The following GRM7 variants were observed in gnomAD, a reference collection of about 807,000 sequenced individuals.
GRM7 encodes the protein metabotropic glutamate receptor 7.
In GRM7, 35 loss-of-function variants were observed where a neutral mutation model predicts 84.5. The observed-to-expected ratio is 0.41, with a 90% CI of 0.32 to 0.55. The LOEUF is 0.55. GRM7 is among the 20% of genes least tolerant of loss of function. The pLI, the probability that GRM7 is intolerant of heterozygous loss-of-function variation, is 0.19. For missense variants in GRM7, 1,003 were observed against 1,194.6 expected (o/e 0.84, Z 2.36); for synonymous variants, 487 against 455.1 (o/e 1.07, Z -0.89).
At chr3:7,471,457 G>A (rs533351426) in intron 7 of GRM7, among the ~76,000 whole-genome samples, 39 of 152,258 alleles carry the variant, frequency 2.6e-4, no homozygotes, top group Middle Eastern at 6.8e-3. Context: ...AGTGGTGGGT[G>A]GATCCCAGCT....
intron 2 of GRM7, among the ~76,000 whole-genome samples, chr3:7,272,015 G>A (rs1260173003): frequency 6.6e-6 from 1 of 152,126 alleles, no homozygotes; most frequent in Non-Finnish European, 1.5e-5. Flanking sequence ...CCTATCAGGA[G>A]GCTTCAAATC....
At chr3:7,383,011 G>A (rs1011598159) in intron 4 of GRM7, among the ~76,000 whole-genome samples, 2 of 152,158 alleles carry the variant, frequency 1.3e-5, no homozygotes, top group Non-Finnish European at 2.9e-5. Context: ...TGGGCCATGT[G>A]TTTGTATTGA....
At chr3:7,230,934 A>G (rs1697174089) in intron 2 of GRM7, among the ~76,000 whole-genome samples, 1 of 152,166 alleles carries the variant, frequency 6.6e-6, no homozygotes. Context: ...TACCATCTCA[A>G]TTGGACCACC....
intron 9 of GRM7, among the ~76,000 whole-genome samples, chr3:7,695,558 T>G (rs1187045776): frequency 1.3e-5 from 2 of 152,208 alleles, no homozygotes; most frequent in Admixed American, 1.3e-4. Context: ...TTGCTGTTAA[T>G]AAATCAGCCA....
chr3:6,988,821 G>A (rs955730199), intron 1 of GRM7, among the ~76,000 whole-genome samples: 4 of 151,942 alleles, frequency 2.6e-5, no homozygotes, highest in Admixed American at 6.6e-5. Context: ...ATGAAAGTTG[G>A]CTATGTCTTC....
chr3:7,139,299 A>G (rs1213982503), intron 1 of GRM7, among the ~76,000 whole-genome samples: 1 of 151,778 alleles, frequency 6.6e-6, no homozygotes, highest in Admixed American at 6.6e-5. Flanking sequence ...CTACAATGAT[A>G]TTAGAATGAT....
chr3:6,939,195 A>G (rs1697800949), intron 1 of GRM7, among the ~76,000 whole-genome samples: 2 of 152,194 alleles, frequency 1.3e-5, no homozygotes, highest in African/African-American at 2.4e-5. Flanking sequence ...ATCTATACAT[A>G]TAGAACCAAA....
intron 1 of GRM7, among the ~76,000 whole-genome samples, chr3:6,870,496 G>T (rs1443770167): frequency 3.9e-5 from 6 of 152,198 alleles, no homozygotes; most frequent in African/African-American, 1.4e-4. Flanking sequence ...GCTAGTTCAT[G>T]CAAGGCCATC....
chr3:6,964,841 G>A (rs1342455104), intron 1 of GRM7, among the ~76,000 whole-genome samples: 4 of 152,166 alleles, frequency 2.6e-5, no homozygotes, highest in Admixed American at 6.5e-5. Flanking sequence ...CAGCAATGCC[G>A]TTAGCGTTCT....
intron 2 of GRM7, among the ~76,000 whole-genome samples, chr3:7,209,260 G>C (rs1696342338): frequency 6.6e-6 from 1 of 152,152 alleles, no homozygotes; most frequent in Non-Finnish European, 1.5e-5. Context: ...TCATAAATTT[G>C]TCACATCCTA....
At chr3:7,176,649 C>T (rs1025781357) in intron 2 of GRM7, among the ~76,000 whole-genome samples, 1 of 152,204 alleles carries the variant, frequency 6.6e-6, no homozygotes, top group South Asian at 2.1e-4. Context: ...CCCTTCCAGG[C>T]ACCCATACTG....
At chr3:7,497,979 A>G (rs762559556) in intron 7 of GRM7, among the ~76,000 whole-genome samples, 2 of 152,212 alleles carry the variant, frequency 1.3e-5, no homozygotes, top group African/African-American at 2.4e-5. Flanking sequence ...AGGAAGTCCA[A>G]TCTTTTGAAA....
At chr3:7,490,031 C>CATT (rs1575410823) in intron 7 of GRM7, among the ~76,000 whole-genome samples, 1 of 151,860 alleles carries the variant, frequency 6.6e-6, no homozygotes, top group East Asian at 1.9e-4. Context: ...CAAAAATATG[C>CATT]TGAAATCCAT....
intron 4 of GRM7, among the ~76,000 whole-genome samples, chr3:7,367,938 CAAAA>C (rs56856057): frequency 7.9e-6 from 1 of 126,148 alleles, no homozygotes; most frequent in Admixed American, 7.9e-5. Context: ...CATTAATCCT[CAAAA>C]AAAAAAAAAA....
chr3:7,682,467 T>C (rs533867034), intron 9 of GRM7: 2 of 152,228 alleles, frequency 1.3e-5, no homozygotes, highest in South Asian at 4.1e-4. Flanking sequence ...CTTTTTATTA[T>C]AGGTTGTCTT....
chr3:7,169,198 T>C (rs920748162), intron 2 of GRM7, among the ~76,000 whole-genome samples: 1 of 150,884 alleles, frequency 6.6e-6, no homozygotes, highest in African/African-American at 2.4e-5. Flanking sequence ...TAGGGGTGCA[T>C]TTTTTTTTGA....
chr3:7,718,851 A>T (rs1701847149), intron 9 of GRM7, among the ~76,000 whole-genome samples: 1 of 152,102 alleles, frequency 6.6e-6, no homozygotes, highest in Admixed American at 6.5e-5. Flanking sequence ...TTTGGTGATG[A>T]TCTTGCTGAC....
rs906655252 is a variant in GRM7, at chr3:7,272,981, A to T, written c.737-25703A>T. Among the ~76,000 whole-genome samples, 5 of 152,184 alleles carry T rather than the reference A, an allele frequency of 3.3e-5. No homozygotes were observed. The East Asian group carries it at 9.6e-4, about 29-fold the overall frequency. On this transcript the variant is annotated intron_variant, in intron 2 of 9. Coordinates refer to ENST00000357716, the MANE Select transcript of GRM7 (RefSeq NM_000844.4). Reference sequence around the variant, plus strand: ...TTTATTTTTTTAATACATGCATTAAATGCTGTTAACGTTCCTCTATGGACT... The same window carrying T: ...TTTATTTTTTTAATACATGCATTAATTGCTGTTAACGTTCCTCTATGGACT...
At chr3:7,241,454 A>G (rs1314577365) in intron 2 of GRM7, among the ~76,000 whole-genome samples, 3 of 152,178 alleles carry the variant, frequency 2.0e-5, no homozygotes, top group Admixed American at 1.3e-4. Flanking sequence ...TAAAGTTTAA[A>G]TTAGGAATTA....
Sources: gnomAD v4.1 joint callset for allele counts (sites outside exome capture counted in the v4.1 genomes callset) on GRCh38, gnomAD v4.1.1 for gene constraint, MANE v1.5 for transcripts, NCBI Gene and HGNC (gene_info 2026-07-23, HGNC 2026-07-21) for gene names.